The following WDR25 variants were observed in gnomAD, a reference collection of about 807,000 sequenced individuals.
WDR25 encodes the protein WD repeat-containing protein 25.
A neutral mutation model predicts 47.7 loss-of-function variants in WDR25; 35 were observed. The ratio of observed to expected loss-of-function variants is 0.73; its 90% CI spans 0.56 to 0.97. The LOEUF (loss-of-function observed/expected upper bound fraction) is 0.97, where lower values mean the gene tolerates loss of function less well. Among genes scored for constraint, WDR25 ranks in the 50% least tolerant of loss-of-function variants. The pLI is 0.00. For missense variants in WDR25, 634 were observed against 704.7 expected, an observed-to-expected ratio of 0.90 and a Z score of 1.14; for synonymous variants, 248 against 278.9, an observed-to-expected ratio of 0.89 and a Z score of 1.10.
At chr14:100,476,372 G>A (rs1402156648) in intron 3 of WDR25, 1 of 152,182 alleles carries the variant, frequency 6.6e-6, no homozygotes, top group African/African-American at 2.4e-5. Context: ...ATTTATAGCT[G>A]GCTGAATACT....
rs1401446664 is a variant in WDR25 at position 100,392,228 on chromosome 14, A to T, written c.822+10482A>T. On this transcript the variant is annotated intron_variant, in intron 2 of 6. Transcript: ENST00000402312. This position sits in a 1 kb window ranked among gnomAD's most constrained non-coding sequence, Gnocchi z 4.2. The stretch of plus-strand genomic sequence containing the variant: ...TTTGGGGTCCTCAGTCATTTTAGAC[A>T]GTGTAATTGAGGACCACAGTTTTCT... 6.6e-6 allele frequency among the ~76,000 whole-genome samples: 1 copy of T among 152,130 alleles called. No homozygotes were observed. Among genetic ancestry groups the T allele is most frequent in the Non-Finnish European group, 1.5e-5 (1 of 68,036 alleles).
At chr14:100,421,148 G>C (rs932522295) in intron 2 of WDR25, among the ~76,000 whole-genome samples, 1 of 152,232 alleles carries the variant, frequency 6.6e-6, no homozygotes, top group African/African-American at 2.4e-5. Flanking sequence ...ACAGAGAAGA[G>C]GAAGAGTAGG....
intron 2 of WDR25, among the ~76,000 whole-genome samples, 155 bp from the exon 3 acceptor site, chr14:100,467,866 G>T (rs1388298679): frequency 1.3e-5 from 2 of 152,026 alleles, no homozygotes; most frequent in East Asian, 1.9e-4. Context: ...TTACATTTCT[G>T]CAATGAAAAG....
chr14:100,434,922 C>T (rs1566908603), intron 2 of WDR25, among the ~76,000 whole-genome samples: 1 of 152,210 alleles, frequency 6.6e-6, no homozygotes, highest in African/African-American at 2.4e-5. Context: ...TAACTGTGCG[C>T]CTGAGCAGGC....
intron 2 of WDR25, among the ~76,000 whole-genome samples, chr14:100,448,123 A>T (rs983782801): frequency 7.3e-6 from 1 of 137,194 alleles, no homozygotes; most frequent in African/African-American, 2.6e-5. Flanking sequence ...TGAACCAGGG[A>T]GGTGGAGGTT....
chr14:100,387,195 GA>G (rs1051311108), intron 2 of WDR25, among the ~76,000 whole-genome samples: 2 of 152,000 alleles, frequency 1.3e-5, no homozygotes, highest in Non-Finnish European at 2.9e-5. Flanking sequence ...GGGAGAGGCT[GA>G]GGAAGCATGT....
At chr14:100,388,718 T>G (rs900152012) in intron 2 of WDR25, among the ~76,000 whole-genome samples, 1 of 152,214 alleles carries the variant, frequency 6.6e-6, no homozygotes, top group Non-Finnish European at 1.5e-5. Context: ...GAAAAAACCT[T>G]GGGTTGAAGA....
At chr14:100,507,213 G>T (rs1901139978) in intron 4 of WDR25, among the ~76,000 whole-genome samples, 1 of 152,184 alleles carries the variant, frequency 6.6e-6, no homozygotes, top group South Asian at 2.1e-4. Flanking sequence ...TCAGATGGCT[G>T]CAGGTGTGCA....
At chr14:100,429,809 G>A (rs921216272) in intron 2 of WDR25, among the ~76,000 whole-genome samples, 5 of 152,148 alleles carry the variant, frequency 3.3e-5, no homozygotes, top group South Asian at 2.1e-4. Context: ...TGCTGCTGGG[G>A]TGGGGCGGTG....
At chr14:100,473,637 A>G (rs1899919507) in intron 3 of WDR25, among the ~76,000 whole-genome samples, 1 of 152,182 alleles carries the variant, frequency 6.6e-6, no homozygotes, top group Non-Finnish European at 1.5e-5. Flanking sequence ...CGCTCCAATG[A>G]CGACTTTAGA....
chr14:100,482,300 C>T (rs1055312964), intron 3 of WDR25, among the ~76,000 whole-genome samples: 1 of 152,106 alleles, frequency 6.6e-6, no homozygotes, highest in Non-Finnish European at 1.5e-5. Context: ...CTGTTGCTCT[C>T]ACTAAAAATA....
rs910644130 is a variant in WDR25, at chr14:100,498,054, T to C, written c.1101+13930T>C. The stretch of plus-strand genomic sequence containing the variant: ...ACCTGCAGTATAACTCTGCAAAGAT[T>C]GTATGACTTTAGGAAAGTTTGTGCA... On this transcript the variant is annotated intron_variant, in intron 4 of 6. Transcript: ENST00000402312. This position sits in a 1 kb window ranked among gnomAD's most constrained non-coding sequence, Gnocchi z 4.2. Among the ~76,000 whole-genome samples, 1 of 152,214 alleles carries C rather than the reference T, an allele frequency of 6.6e-6. No homozygotes were observed. Among genetic ancestry groups the C allele is most frequent in the Non-Finnish European group, 1.5e-5 (1 of 68,036 alleles).
chr14:100,379,375 GTCT>G (rs1896813621), intron 1 of WDR25, among the ~76,000 whole-genome samples: 1 of 150,188 alleles, frequency 6.7e-6, no homozygotes, highest in Non-Finnish European at 1.5e-5. Context: ...GTCTCTTCAG[GTCT>G]TCTTTTTTTT....
chr14:100,432,977 T>C (rs553419068), intron 2 of WDR25, among the ~76,000 whole-genome samples: 10 of 152,190 alleles, frequency 6.6e-5, no homozygotes, highest in Non-Finnish European at 1.3e-4. Flanking sequence ...AATGGGGCAT[T>C]TGTGTATCTA....
In WDR25 at chr14:100,430,698, A is replaced by C. The variant is rs567322903; in HGVS notation, c.823-37323A>C. Among the ~76,000 whole-genome samples, 1 of 152,338 alleles carries C rather than the reference A, an allele frequency of 6.6e-6. No homozygotes were observed. On this transcript the variant is annotated intron_variant, in intron 2 of 6. Coordinates refer to ENST00000402312, the MANE Select transcript of WDR25 (RefSeq NM_001161476.3). This position sits in a 1 kb window ranked among gnomAD's most constrained non-coding sequence, Gnocchi z 4.7. ...TAGGTGACCCAGTGAGGGAGGCTGCATCTCGATAGGCTGTGGGGAAGGGAT... is the reference window on the plus strand; with the variant it reads ...TAGGTGACCCAGTGAGGGAGGCTGCCTCTCGATAGGCTGTGGGGAAGGGAT...
chr14:100,377,963 CTGGGTT>C (rs1337166817), intron 1 of WDR25, among the ~76,000 whole-genome samples: 1 of 152,000 alleles, frequency 6.6e-6, no homozygotes, highest in Admixed American at 6.6e-5. Flanking sequence ...GTTGGGTGCA[CTGGGTT>C]TTCTTGGAAG....
chr14:100,405,692 C>T (rs1005491916), intron 2 of WDR25, among the ~76,000 whole-genome samples: 3 of 152,244 alleles, frequency 2.0e-5, no homozygotes, highest in Admixed American at 2.0e-4. Flanking sequence ...GGTGGGTGGC[C>T]TGCAGGGCCT....
Position 100,508,725 on chromosome 14 carries a change from A to G in WDR25, c.1102-17145A>G, listed in dbSNP as rs186928568. Among the ~76,000 whole-genome samples the G allele has an allele frequency of 3.2e-3, 484 of 152,304 alleles. 2 individuals are homozygous for G. Among genetic ancestry groups the G allele is most frequent in the Middle Eastern group, 0.01 (3 of 294 alleles). On this transcript the variant is annotated intron_variant, in intron 4 of 6. Transcript: ENST00000402312. ...AACAATCAGTCTTTTACCATTAAGT[A>G]TGATGTTAGATGTTGGTTTTTCATA...
intron 4 of WDR25, among the ~76,000 whole-genome samples, chr14:100,505,862 AGT>A (rs1489363979): frequency 1.3e-5 from 2 of 152,096 alleles, no homozygotes; most frequent in Non-Finnish European, 2.9e-5. Context: ...TTCATTTTCC[AGT>A]TGTTTGGTAT....
Sources: gnomAD v4.1 joint callset for allele counts (sites outside exome capture counted in the v4.1 genomes callset) on GRCh38, gnomAD v4.1.1 for gene constraint, Gnocchi (gnomAD v3.1) non-coding constraint, MANE v1.5 for transcripts, NCBI Gene and HGNC (gene_info 2026-07-23, HGNC 2026-07-21) for gene names.